Variants in PEMT observed in about 807,000 individuals in gnomAD.
PEMT encodes the protein phospholipid methyltransferase.
A neutral mutation model predicts 27.4 loss-of-function variants in PEMT; 23 were observed. The ratio of observed to expected loss-of-function variants is 0.84; its 90% CI spans 0.60 to 1.19. The LOEUF (loss-of-function observed/expected upper bound fraction) is 1.19, where lower values mean the gene tolerates loss of function less well. PEMT is among the 50% of genes most tolerant of loss of function. The pLI is 0.00. For missense variants in PEMT, 307 were observed against 310.1 expected (o/e 0.99, Z 0.07); for synonymous variants, 137 against 139.1 (o/e 0.98, Z 0.11).
chr17:17,554,995 C>T (rs1274994547), intron 2 of PEMT, among the ~76,000 whole-genome samples: 1 of 152,140 alleles, frequency 6.6e-6, no homozygotes, highest in African/African-American at 2.4e-5. Context: ...GCACGGCCTC[C>T]ACTGGGGATG....
intron 1 of PEMT, among the ~76,000 whole-genome samples, chr17:17,580,564 C>G (rs1184191482): frequency 6.6e-6 from 1 of 152,198 alleles, no homozygotes; most frequent in Non-Finnish European, 1.5e-5. Flanking sequence ...AAAGCTGGCT[C>G]AGGGAAGAGT....
chr17:17,509,793 G>T (rs554193495), intron 4 of PEMT, among the ~76,000 whole-genome samples: 3 of 152,160 alleles, frequency 2.0e-5, no homozygotes, highest in Non-Finnish European at 2.9e-5. Flanking sequence ...TCCTCTTCTC[G>T]AGCACTCTGA....
chr17:17,527,095 C>T (rs535457039), intron 2 of PEMT, among the ~76,000 whole-genome samples: 15 of 152,268 alleles, frequency 9.9e-5, no homozygotes, highest in South Asian at 2.1e-4. Flanking sequence ...TGGAGTGCAA[C>T]GGCGCAATCT....
At chr17:17,539,830 C>T (rs763408876) in intron 2 of PEMT, among the ~76,000 whole-genome samples, 4 of 152,192 alleles carry the variant, frequency 2.6e-5, no homozygotes, top group Non-Finnish European at 5.9e-5. Flanking sequence ...CTCTGTCTGC[C>T]GCAGCCCCTG....
intron 2 of PEMT, among the ~76,000 whole-genome samples, chr17:17,532,180 A>G (rs1908150624): frequency 6.6e-6 from 1 of 152,352 alleles, no homozygotes; most frequent in African/African-American, 2.4e-5. Context: ...TCAACTTTGT[A>G]CTAGAGGTTT....
chr17:17,538,148 G>T (rs1344999801), intron 2 of PEMT, among the ~76,000 whole-genome samples: 1 of 152,204 alleles, frequency 6.6e-6, no homozygotes, highest in African/African-American at 2.4e-5. Context: ...CAGGCCCCAC[G>T]ATGGTAGAGG....
rs1185943329 is a variant in PEMT at position 17,561,868 on chromosome 17, A to G, written c.204+15052T>C. Among the ~76,000 whole-genome samples the G allele has an allele frequency of 6.6e-6, 1 of 152,220 alleles. No homozygotes were observed. Among genetic ancestry groups the G allele is most frequent in the Non-Finnish European group, 1.5e-5 (1 of 68,026 alleles). ...CCCCACGTGCGGCCTGACCCACAGG[A>G]AGTCCAGTCATAATATTGACACAGG... On this transcript the variant is annotated intron_variant, in intron 2 of 6. Transcript: ENST00000255389. This position sits in a 1 kb window ranked among gnomAD's most constrained non-coding sequence, Gnocchi z 4.5.
At chr17:17,554,806 G>A (rs192794103) in intron 2 of PEMT, among the ~76,000 whole-genome samples, 69 of 152,170 alleles carry the variant, frequency 4.5e-4, no homozygotes, top group African/African-American at 1.3e-3. Flanking sequence ...AGTAGAGACA[G>A]GGTTTCACCA....
At chr17:17,505,956 A>T in intron 6 of PEMT, 108 bp from the exon 7 acceptor site, 2 of 1,419,172 alleles carry the variant, frequency 1.4e-6, no homozygotes, top group Non-Finnish European at 1.9e-6. Flanking sequence ...TGGGACCGGG[A>T]TCCCCTTCAT....
intron 2 of PEMT, among the ~76,000 whole-genome samples, chr17:17,555,297 C>T (rs1306961437): frequency 6.6e-6 from 1 of 152,124 alleles, no homozygotes; most frequent in Non-Finnish European, 1.5e-5. Context: ...TGCCTGGAGA[C>T]AGCAGTGGGA....
intron 2 of PEMT, among the ~76,000 whole-genome samples, chr17:17,564,112 G>A (rs1268723478): frequency 6.6e-6 from 1 of 152,178 alleles, no homozygotes; most frequent in Admixed American, 6.5e-5. Flanking sequence ...CGGAGGCATG[G>A]GTGGGTCAGG....
chr17:17,542,451 C>T (rs1690153678), intron 2 of PEMT, among the ~76,000 whole-genome samples: 1 of 152,200 alleles, frequency 6.6e-6, no homozygotes, highest in Non-Finnish European at 1.5e-5. Context: ...ATCCTCAGCT[C>T]ACCACGGGCT....
At chr17:17,579,812 G>A (rs1292631909) in intron 1 of PEMT, among the ~76,000 whole-genome samples, 4 of 152,218 alleles carry the variant, frequency 2.6e-5, no homozygotes, top group Admixed American at 2.6e-4. Flanking sequence ...GGCAGCAGGT[G>A]TGGGCATCAG....
chr17:17,562,738 G>A (rs60831194), intron 2 of PEMT, among the ~76,000 whole-genome samples: 16,121 of 152,136 alleles, frequency 0.11, 1,356 homozygotes, highest in African/African-American at 0.24. Flanking sequence ...GAACCTGGGA[G>A]GCAGAGCTTG....
chr17:17,574,741 G>C (rs1911465223), intron 2 of PEMT, among the ~76,000 whole-genome samples: 2 of 152,208 alleles, frequency 1.3e-5, no homozygotes, highest in South Asian at 4.1e-4. Flanking sequence ...GGGGGCTTGT[G>C]CATAAATAAA....
intron 2 of PEMT, among the ~76,000 whole-genome samples, chr17:17,535,233 T>G (rs1908375482): frequency 6.6e-6 from 1 of 152,118 alleles, no homozygotes; most frequent in Non-Finnish European, 1.5e-5. Flanking sequence ...AAAATGAAAT[T>G]ATTAATTTTG....
At position 17,520,122 on chromosome 17, in the gene PEMT, C is replaced by T. The variant is rs531135523; in HGVS notation, c.320+2158G>A. On this transcript the variant is annotated intron_variant, in intron 3 of 6. Coordinates refer to ENST00000255389, the MANE Select transcript of PEMT (RefSeq NM_148172.3). ...CTGTGGGGGGACTCCAAGCTCTGAG[C>T]GTTCAGTCGGCCAGCACCAGCCCCC... Among the ~76,000 whole-genome samples, 7 of 152,298 alleles carry T rather than the reference C, an allele frequency of 4.6e-5. No individual in the cohort carries two copies. In the East Asian group the frequency reaches 7.7e-4, roughly 17 times the overall value.
At chr17:17,509,932 G>A (rs971334116) in intron 4 of PEMT, among the ~76,000 whole-genome samples, 1 of 152,056 alleles carries the variant, frequency 6.6e-6, no homozygotes, top group African/African-American at 2.4e-5. Flanking sequence ...TGCTCATGGC[G>A]CCTCTTTATG....
In PEMT at chr17:17,532,981, C is replaced by T. The variant is rs565090223; in HGVS notation, c.205-10586G>A. Among the ~76,000 whole-genome samples the T allele has an allele frequency of 6.6e-5, 10 of 152,316 alleles. No homozygotes were observed. The East Asian group carries it at 1.5e-3, about 23-fold the overall frequency. ...GGCAGAGGTTGCAGTGAGCCGAGAT[C>T]GTGCTATCGCACTCCAGCCTGGGTG... On this transcript the variant is annotated intron_variant, in intron 2 of 6. Coordinates refer to ENST00000255389, the MANE Select transcript of PEMT (RefSeq NM_148172.3).
Sources: gnomAD v4.1 joint callset for allele counts (sites outside exome capture counted in the v4.1 genomes callset) on GRCh38, gnomAD v4.1.1 for gene constraint, Gnocchi (gnomAD v3.1) non-coding constraint, MANE v1.5 for transcripts, NCBI Gene and HGNC (gene_info 2026-07-23, HGNC 2026-07-21) for gene names.